Variants in MYCBP2 observed in about 807,000 individuals in gnomAD.
The protein encoded by MYCBP2 is MYC binding protein 2, also known as E3 ubiquitin-protein ligase MYCBP2.
MYCBP2 carries 120 observed loss-of-function variants against 525.3 expected under a neutral mutation model. The observed-to-expected ratio is 0.23, with a 90% confidence interval of 0.20 to 0.27. The LOEUF (loss-of-function observed/expected upper bound fraction) is 0.27. Ranked by LOEUF, MYCBP2 falls within the 10% of genes least tolerant of loss-of-function variation. The probability of loss-of-function intolerance (pLI) is 1.00; values close to 1 mark genes in which losing one functional copy is unlikely to be tolerated. For missense variants in MYCBP2, 4,149 were observed against 5,657.1 expected (o/e 0.73, Z 8.55); for synonymous variants, 1,894 against 1,955.8 (o/e 0.97, Z 0.83).
chr13:77,324,137 A>G (rs2082018735), intron 1 of MYCBP2, among the ~76,000 whole-genome samples: 2 of 152,114 alleles, frequency 1.3e-5, no homozygotes, highest in African/African-American at 2.4e-5. Context: ...TATTCTGACC[A>G]CTTCCTCAAA....
At chr13:77,118,548 A>G in intron 55 of MYCBP2, 1 of 757,838 alleles carries the variant, frequency 1.3e-6, no homozygotes, top group Non-Finnish European at 2.4e-6. Context: ...TAACATCCAA[A>G]ATGGCAAAGT....
intron 38 of MYCBP2, among the ~76,000 whole-genome samples, chr13:77,169,994 A>G (rs1224321833): frequency 6.6e-6 from 1 of 152,240 alleles, no homozygotes; most frequent in Non-Finnish European, 1.5e-5. Flanking sequence ...TACTTAATAC[A>G]TAAGTACATG....
rs1197401529 is a variant in MYCBP2 at position 77,273,473 on chromosome 13, T to C, written c.944A>G (p.Gln315Arg). The change falls in exon 5 of 83, where the codon CAG becomes CGG. Residue 315 changes from glutamine to arginine, a missense_variant and splice_region_variant. By Grantham distance (43) the Gln-to-Arg change is conservative. Around this residue, in one of 21 missense-constraint regions of MYCBP2, gnomAD observed 413 missense variants for 451.2 expected, o/e 0.92. Coordinates refer to ENST00000544440, the MANE Select transcript of MYCBP2 (RefSeq NM_015057.5). ...NNGSHACQTI[Q>R]VPTILNSLQR... is the part of the protein sequence containing the mutation. ...TAAGCAGATATAAATATGAAATACC[T>C]GAATAGTTTGGCAAGCATGGCTTCC... 1.9e-6 allele frequency: 3 copies of C among 1,576,056 alleles called. No individual in the cohort carries two copies. The highest frequency in any genetic ancestry group is 1.2e-5 in the South Asian group (1 of 83,622).
intron 60 of MYCBP2, 85 bp from the exon 61 acceptor site, chr13:77,089,116 C>T (rs775170782): frequency 1.0e-6 from 1 of 1,004,836 alleles, no homozygotes; most frequent in Non-Finnish European, 1.4e-6. Flanking sequence ...TCACTTAAAG[C>T]CTTTGTCATT....
intron 3 of MYCBP2, among the ~76,000 whole-genome samples, chr13:77,287,360 T>G (rs1412812138): frequency 6.6e-6 from 1 of 151,794 alleles, no homozygotes; most frequent in African/African-American, 2.4e-5. Context: ...AATTTTTGTA[T>G]TTTTAGTAGA....
chr13:77,193,807 T>C (rs1321312759), intron 27 of MYCBP2, among the ~76,000 whole-genome samples: 3 of 152,168 alleles, frequency 2.0e-5, no homozygotes, highest in African/African-American at 7.2e-5. Context: ...TTATTACCTG[T>C]AATGCTAGGA....
chr13:77,206,949 G>C (rs2063419319), intron 23 of MYCBP2, 124 bp from the exon 24 acceptor site: 2 of 749,984 alleles, frequency 2.7e-6, no homozygotes, highest in Non-Finnish European at 3.9e-6. Flanking sequence ...GACAAATGTA[G>C]CTCATTATCT....
chr13:77,290,412 G>A (rs2077347780), intron 2 of MYCBP2, among the ~76,000 whole-genome samples: 2 of 152,272 alleles, frequency 1.3e-5, no homozygotes, highest in Middle Eastern at 3.4e-3. Context: ...ACCAGTACAC[G>A]AATGTTCGTA....
intron 82 of MYCBP2, 70 bp downstream of exon 82, chr13:77,050,927 T>C: frequency 7.5e-7 from 1 of 1,336,384 alleles, no homozygotes; most frequent in Non-Finnish European, 1.0e-6. Context: ...AAACAGAGCT[T>C]TCATATAATG....
intron 23 of MYCBP2, among the ~76,000 whole-genome samples, chr13:77,207,969 C>T (rs958443918): frequency 2.7e-5 from 4 of 150,692 alleles, no homozygotes; most frequent in African/African-American, 9.8e-5. Context: ...CCCACCCGCC[C>T]CAGCCCCAGA....
At chr13:77,208,724 C>T (rs1478501063) in intron 23 of MYCBP2, among the ~76,000 whole-genome samples, 5 of 151,956 alleles carry the variant, frequency 3.3e-5, no homozygotes, top group Admixed American at 2.0e-4. Context: ...TAGTGGAATT[C>T]GGTATGGGAA....
At position 77,126,483 on chromosome 13, in the gene MYCBP2, T is replaced by C. The variant is rs2051695317; in HGVS notation, c.7719A>G (p.Glu2573=). 6.2e-7 allele frequency: 1 copy of C among 1,613,964 alleles called. No homozygotes were observed. Among genetic ancestry groups the C allele is most frequent in the Non-Finnish European group, 8.5e-7 (1 of 1,179,864 alleles). ...GCATATCTTGTTCTTGCATTGTTGC[T>C]TCCTGTGGGCAGCAGGAGTTTATGT... is the stretch of plus-strand genomic sequence containing the variant. ...FKDINSCCPQ[E]ATMQEQDMPF... The change falls in exon 53 of 83, where the codon GAA becomes GAG. Residue 2573 remains glutamate, a synonymous_variant. Coordinates refer to ENST00000544440, the MANE Select transcript of MYCBP2 (RefSeq NM_015057.5).
chr13:77,076,301 G>A (rs993528458), intron 68 of MYCBP2: 3 of 152,544 alleles, frequency 2.0e-5, no homozygotes, highest in African/African-American at 7.2e-5. Flanking sequence ...ATAAACATAA[G>A]AGAAAAATGA....
chr13:77,170,357 G>A (rs1197799433), intron 38 of MYCBP2, among the ~76,000 whole-genome samples: 1 of 152,150 alleles, frequency 6.6e-6, no homozygotes, highest in Non-Finnish European at 1.5e-5. Context: ...ATACTGTGAA[G>A]ACCTTTATTT....
At position 77,111,294 on chromosome 13, in the gene MYCBP2, T is replaced by A. The variant is rs371918031; in HGVS notation, c.8140+10079A>T. On this transcript the variant is annotated intron_variant, in intron 55 of 82. Transcript: ENST00000544440. ...TATATTATAGCCAACTGGAGCTAAG[T>A]CATCCAACCGAACTCATTTTTCCTT... Among the ~76,000 whole-genome samples, 28 of 152,314 alleles carry A rather than the reference T, an allele frequency of 1.8e-4. No homozygotes were observed. In the East Asian group the frequency reaches 1.9e-3, roughly 10 times the overall value.
intron 1 of MYCBP2, among the ~76,000 whole-genome samples, chr13:77,301,833 G>A (rs2078844992): frequency 6.6e-6 from 1 of 152,002 alleles, no homozygotes; most frequent in Non-Finnish European, 1.5e-5. Flanking sequence ...AATGCAATTG[G>A]CAATTTTCAA....
At chr13:77,273,799 T>C in intron 4 of MYCBP2, 131 bp from the exon 5 acceptor site, 1 of 632,894 alleles carries the variant, frequency 1.6e-6, no homozygotes, top group Non-Finnish European at 2.3e-6. Flanking sequence ...TTGCTTTAGT[T>C]TCTTTCTAGT....
rs752800251 is a variant in MYCBP2 at position 77,171,578 on chromosome 13, T to A, written c.5708A>T (p.Asp1903Val). Residue 1903 changes from aspartate (D) to valine (V), a missense_variant, in exon 38 of 83, where the codon GAT becomes GTT. This residue lies in a region of MYCBP2 where 692 missense variants were observed against 852.7 expected (regional missense o/e 0.81). Transcript: ENST00000544440. ...AGACAATGCTCTGCTACAGTTTTTA[T>A]CTTCTTCATTGGCTTTACTCAGAAG... ...SQLLSKANEE[D>V]KNCSRALSVV... The A allele has an allele frequency of 6.2e-7, 1 of 1,614,152 alleles. No homozygotes were observed. Among genetic ancestry groups the A allele is most frequent in the Non-Finnish European group, 8.5e-7 (1 of 1,179,998 alleles).
intron 2 of MYCBP2, among the ~76,000 whole-genome samples, chr13:77,289,606 C>T (rs545270218): frequency 6.6e-6 from 1 of 152,142 alleles, no homozygotes; most frequent in South Asian, 2.1e-4. Context: ...TGGTAATAGA[C>T]TGAATGCTTT....
Sources: gnomAD v4.1 joint callset for allele counts (sites outside exome capture counted in the v4.1 genomes callset) on GRCh38, gnomAD v4.1.1 for gene constraint, gnomAD v4.1.1 regional missense constraint, MANE v1.5 for transcripts, NCBI Gene and HGNC (gene_info 2026-07-23, HGNC 2026-07-21) for gene names.